Variants in DOCK5 observed in about 807,000 individuals in gnomAD.
DOCK5 encodes the protein dedicator of cytokinesis protein 5.
A neutral mutation model predicts 251.8 loss-of-function variants in DOCK5; 142 were observed. The observed-to-expected ratio is 0.56, with a 90% CI of 0.49 to 0.65. DOCK5 has a LOEUF of 0.65. DOCK5 is among the 30% of genes least tolerant of loss of function. DOCK5 has a pLI of 0.00. For missense variants in DOCK5, 2,111 were observed against 2,312.3 expected (o/e 0.91, Z 1.79); for synonymous variants, 842 against 835.5 (o/e 1.01, Z -0.13).
At chr8:25,223,505 A>C (rs937222710) in intron 1 of DOCK5, among the ~76,000 whole-genome samples, 1 of 152,132 alleles carries the variant, frequency 6.6e-6, no homozygotes, top group Non-Finnish European at 1.5e-5. Flanking sequence ...TGTAGAGATG[A>C]GGTCTCGCTC....
At chr8:25,234,723 C>T (rs1802751355) in intron 1 of DOCK5, among the ~76,000 whole-genome samples, 1 of 152,158 alleles carries the variant, frequency 6.6e-6, no homozygotes, top group Non-Finnish European at 1.5e-5. Flanking sequence ...GAAGGGGCAG[C>T]AAGAAATGGT....
intron 13 of DOCK5, among the ~76,000 whole-genome samples, chr8:25,312,761 C>CAA (rs3085652): frequency 0.77 from 87,109 of 113,466 alleles, 33,923 homozygotes; most frequent in Admixed American, 0.86. Flanking sequence ...GACTCCGTCT[C>CAA]AAAAAAAAAA....
intron 26 of DOCK5, 185 bp from the exon 27 acceptor site, chr8:25,351,540 ATCATTT>A (rs1389532886): frequency 1.8e-6 from 1 of 558,648 alleles, no homozygotes; most frequent in African/African-American, 1.9e-5. Context: ...GTTATGACTG[ATCATTT>A]TCAACTATTT....
chr8:25,227,667 A>C (rs983872773), intron 1 of DOCK5, among the ~76,000 whole-genome samples: 1 of 152,196 alleles, frequency 6.6e-6, no homozygotes, highest in Non-Finnish European at 1.5e-5. Context: ...TATTTAAAAA[A>C]GTCCAAGTGA....
chr8:25,234,774 A>G (rs1422976076), intron 1 of DOCK5, among the ~76,000 whole-genome samples: 1 of 152,194 alleles, frequency 6.6e-6, no homozygotes, highest in African/African-American at 2.4e-5. Context: ...GCTGTTTCTT[A>G]AAGGAGCTCT....
intron 11 of DOCK5, among the ~76,000 whole-genome samples, chr8:25,306,969 A>G (rs189471140): frequency 1.1e-3 from 163 of 152,326 alleles, no homozygotes; most frequent in Admixed American, 2.2e-3. Context: ...CTGTCCAGCA[A>G]GCTACTGTAC....
intron 2 of DOCK5, among the ~76,000 whole-genome samples, chr8:25,247,551 C>T (rs1349646779): frequency 1.3e-5 from 2 of 151,982 alleles, no homozygotes; most frequent in Admixed American, 6.5e-5. Flanking sequence ...GAGCTGACTA[C>T]ACCACTACAC....
chr8:25,399,617 C>T (rs941216821), intron 45 of DOCK5, among the ~76,000 whole-genome samples: 5 of 152,114 alleles, frequency 3.3e-5, no homozygotes, highest in African/African-American at 7.2e-5. Flanking sequence ...GTTATTTTAA[C>T]GAATGACGTT....
intron 48 of DOCK5, among the ~76,000 whole-genome samples, chr8:25,407,150 A>G (rs1434391541): frequency 1.3e-5 from 2 of 152,112 alleles, no homozygotes; most frequent in African/African-American, 2.4e-5. Context: ...TATAGCAAAC[A>G]TATTTGGACA....
intron 27 of DOCK5, among the ~76,000 whole-genome samples, chr8:25,353,928 A>G (rs1046331825): frequency 4.0e-5 from 6 of 150,056 alleles, no homozygotes; most frequent in Admixed American, 1.3e-4. Context: ...AGGCTGAGGT[A>G]GGAGAATTGT....
At chr8:25,256,426 G>T (rs1803421681) in intron 2 of DOCK5, among the ~76,000 whole-genome samples, 2 of 152,014 alleles carry the variant, frequency 1.3e-5, no homozygotes, top group African/African-American at 4.8e-5. Flanking sequence ...ATCACTTGAG[G>T]TTAGGAGTTC....
chr8:25,367,857 G>A (rs570606731), intron 31 of DOCK5, among the ~76,000 whole-genome samples: 1 of 152,288 alleles, frequency 6.6e-6, no homozygotes, highest in East Asian at 1.9e-4. Context: ...AGTACTGTAT[G>A]ATCATACTTC....
chr8:25,189,402 C>T (rs909390441), intron 1 of DOCK5, among the ~76,000 whole-genome samples: 9 of 152,058 alleles, frequency 5.9e-5, no homozygotes, highest in African/African-American at 1.9e-4. Flanking sequence ...GTTCTGTAAC[C>T]CAGGATAGAG....
intron 2 of DOCK5, among the ~76,000 whole-genome samples, chr8:25,256,733 TAA>T (rs1354069071): frequency 6.6e-6 from 1 of 151,472 alleles, no homozygotes; most frequent in Non-Finnish European, 1.5e-5. Context: ...TTGCTGACAC[TAA>T]GTGTTTAATC....
Position 25,372,667 on chromosome 8 carries a change from C to G in DOCK5, c.3633C>G (p.Ile1211Met), listed in dbSNP as rs191888134. 1.9e-6 allele frequency: 3 copies of G among 1,611,506 alleles called. No homozygotes were observed. Among genetic ancestry groups the G allele is most frequent in the Admixed American group, 3.4e-5 (2 of 59,604 alleles). ...LENLLDYRTI[I>M]MQDESKENRM... ...ACCTGCTGGACTATAGAACCATCAT[C>G]ATGCAAGATGAGAGCAAGGAGAACC... The change falls in exon 35 of 52, where the codon ATC becomes ATG. Residue 1211 changes from isoleucine (I) to methionine (M), a missense_variant. Coordinates refer to ENST00000276440, the MANE Select transcript of DOCK5 (RefSeq NM_024940.8).
chr8:25,377,561 G>C, intron 38 of DOCK5, 137 bp downstream of exon 38: 1 of 1,140,056 alleles, frequency 8.8e-7, no homozygotes, highest in Non-Finnish European at 1.2e-6. Context: ...GACTGCCCCC[G>C]CTTCAGATGC....
intron 2 of DOCK5, among the ~76,000 whole-genome samples, chr8:25,266,676 A>G (rs1586279003): frequency 6.6e-6 from 1 of 151,848 alleles, no homozygotes. Context: ...AATTGAATTT[A>G]TGGAGTTCTG....
At chr8:25,232,276 A>AATGCAATGCAATGCAATGCAG (rs752590918) in intron 1 of DOCK5, among the ~76,000 whole-genome samples, 5 of 77,264 alleles carry the variant, frequency 6.5e-5, no homozygotes, top group African/African-American at 1.6e-4. Flanking sequence ...TGCAATGCAG[A>AATGCAATGCAATGCAATGCAG]ATGCAATGCA....
rs1801386359 is a variant in DOCK5 at position 25,184,818 on chromosome 8, T to TG, written c.-87dup. On this transcript the variant is annotated 5_prime_UTR_variant, in exon 1 of 52. An upstream open reading frame in the 5' UTR loses its in-frame stop. Transcript: ENST00000276440. ...TTTGGCGGAACATGGCGGAAGCGTCTGGGGCACGCAGGAGCGCGGGGCGGC... is the reference window on the plus strand; with the variant it reads ...TTTGGCGGAACATGGCGGAAGCGTCTGGGGGCACGCAGGAGCGCGGGGCGGC... The TG allele has an allele frequency of 1.7e-6, 2 of 1,169,608 alleles. No individual in the cohort carries two copies. 72.5% of individuals were successfully genotyped at this position (1,169,608 alleles called of 1,614,324 possible). A position where few individuals can be genotyped will look rare whatever the true frequency, so the allele number is the denominator to read the frequency against.
Sources: allele counts gnomAD v4.1 joint callset (sites outside exome capture counted in the v4.1 genomes callset), GRCh38; gene constraint gnomAD v4.1.1; transcripts MANE v1.5; gene names NCBI Gene and HGNC (gene_info 2026-07-23, HGNC 2026-07-21).